The following SLX9 variants were observed in gnomAD, a reference collection of about 807,000 sequenced individuals.
The protein encoded by SLX9 is SLX9 ribosome biogenesis factor.
In SLX9, 19 loss-of-function variants were observed where a neutral mutation model predicts 20.8. The ratio of observed to expected loss-of-function variants is 0.91; its 90% CI spans 0.64 to 1.34. The LOEUF (loss-of-function observed/expected upper bound fraction) is 1.34, where lower values mean the gene tolerates loss of function less well. Ranked by LOEUF, SLX9 falls within the 40% of genes most tolerant of loss-of-function variation. The probability of loss-of-function intolerance (pLI) is 0.00; values close to 1 mark genes in which losing one functional copy is unlikely to be tolerated. For missense variants in SLX9, 299 were observed against 322.2 expected, an observed-to-expected ratio of 0.93 and a Z score of 0.55; for synonymous variants, 113 against 137.1, an observed-to-expected ratio of 0.82 and a Z score of 1.23.
In SLX9 at chr21:44,943,856, G is replaced by C; in HGVS notation, c.283+19G>C. On this transcript the variant is annotated intron_variant, in intron 2 of 5. Transcript: ENST00000291634. ...AGGAGAGGTGAGGCAGGCTCGACGG[G>C]TTACCATGCTGATACCCAGCAGGTC... 1 of 1,613,924 alleles carries C rather than the reference G, an allele frequency of 6.2e-7. No individual in the cohort carries two copies. Among genetic ancestry groups the C allele is most frequent in the Middle Eastern group, 1.6e-4 (1 of 6,062 alleles).
At chr21:44,962,454 T>C (rs2146656303) in intron 3 of SLX9, among the ~76,000 whole-genome samples, 1 of 152,330 alleles carries the variant, frequency 6.6e-6, no homozygotes, top group Non-Finnish European at 1.5e-5. Context: ...TCTGGCTGCT[T>C]TTGCTCAGCG....
intron 3 of SLX9, among the ~76,000 whole-genome samples, chr21:44,965,655 C>T (rs2085020602): frequency 6.6e-6 from 1 of 152,208 alleles, no homozygotes; most frequent in East Asian, 1.9e-4. Flanking sequence ...TGAGGCATTT[C>T]CCGGGAGAAC....
chr21:44,965,176 T>C (rs558815338), intron 3 of SLX9, among the ~76,000 whole-genome samples: 1 of 152,352 alleles, frequency 6.6e-6, no homozygotes, highest in East Asian at 1.9e-4. Flanking sequence ...AAAAATCCCG[T>C]TGAAATTTTA....
chr21:44,969,086 CCTA>C lies in SLX9; in HGVS notation c.500+1909_500+1911del, dbSNP rs569956321. Reference sequence around the variant, plus strand: ...CTGTTTAAAAAATAATTTTCTTTCTCCTACTAACTTTCCATCTGGGCAGAAAGC... The same window carrying C: ...CTGTTTAAAAAATAATTTTCTTTCTCCTAACTTTCCATCTGGGCAGAAAGC... On this transcript the variant is annotated intron_variant, in intron 4 of 5. Coordinates refer to ENST00000291634, the MANE Select transcript of SLX9 (RefSeq NM_058190.4). 521 of 446,756 alleles carry C rather than the reference CCTA, an allele frequency of 1.2e-3. 5 individuals are homozygous for C. Among genetic ancestry groups the C allele is most frequent in the South Asian group, 8.1e-3 (516 of 63,522 alleles). 27.7% of individuals were successfully genotyped at this position (446,756 alleles called of 1,614,324 possible).
At chr21:44,973,435 T>A (rs1224997382) in intron 5 of SLX9, among the ~76,000 whole-genome samples, 170 bp downstream of exon 5, 132 of 73,416 alleles carry the variant, frequency 1.8e-3, no homozygotes, top group African/African-American at 4.3e-3. Flanking sequence ...TCAGCTCCTA[T>A]GTGCCCTCAC....
At chr21:44,951,307 G>A (rs1440674962) in intron 2 of SLX9, among the ~76,000 whole-genome samples, 2 of 152,136 alleles carry the variant, frequency 1.3e-5, no homozygotes, top group South Asian at 2.1e-4. Flanking sequence ...CATCGCGCAG[G>A]GAGGTAGGAG....
At position 44,946,238 on chromosome 21, in the gene SLX9, T is replaced by C. The variant is rs114629202; in HGVS notation, c.283+2401T>C. ...TTCTATTGTTTGTGAGTCTGTTGGGTAATTAATTTTTTTCTTAATTCACAT... is the reference window on the plus strand; with the variant it reads ...TTCTATTGTTTGTGAGTCTGTTGGGCAATTAATTTTTTTCTTAATTCACAT... On this transcript the variant is annotated intron_variant, in intron 2 of 5. Transcript: ENST00000291634. Among the ~76,000 whole-genome samples the C allele has an allele frequency of 3.0e-3, 451 of 150,732 alleles. 4 individuals carry two copies. The highest frequency in any genetic ancestry group is 0.011 in the African/African-American group (441 of 40,018).
chr21:44,950,124 G>A (rs1392656121), intron 2 of SLX9, among the ~76,000 whole-genome samples: 4 of 150,460 alleles, frequency 2.7e-5, no homozygotes, highest in South Asian at 4.2e-4. Context: ...TAAGATAACT[G>A]GAAAATGGCA....
At chr21:44,972,606 CT>C (rs1487839819) in intron 4 of SLX9, among the ~76,000 whole-genome samples, 1 of 152,370 alleles carries the variant, frequency 6.6e-6, no homozygotes, top group African/African-American at 2.4e-5. Flanking sequence ...GTCCACGCCC[CT>C]GTCCCCAAGT....
intron 5 of SLX9, among the ~76,000 whole-genome samples, chr21:44,975,510 G>A (rs1443443271): frequency 6.6e-6 from 1 of 152,246 alleles, no homozygotes; most frequent in Non-Finnish European, 1.5e-5. Flanking sequence ...GTGCAGCTTC[G>A]CTTCCAAGCG....
At chr21:44,952,625 C>G (rs1464483976) in intron 2 of SLX9, among the ~76,000 whole-genome samples, 1 of 152,350 alleles carries the variant, frequency 6.6e-6, no homozygotes, top group Admixed American at 6.5e-5. Context: ...CCACGCCCAG[C>G]AGAGGTCTTT....
At chr21:44,954,653 G>C (rs1021327780) in intron 2 of SLX9, among the ~76,000 whole-genome samples, 2 of 152,156 alleles carry the variant, frequency 1.3e-5, no homozygotes, top group African/African-American at 4.8e-5. Context: ...GCGTCACCTT[G>C]GTGCTCTGCG....
At chr21:44,953,888 A>G (rs2084806879) in intron 2 of SLX9, among the ~76,000 whole-genome samples, 1 of 152,196 alleles carries the variant, frequency 6.6e-6, no homozygotes, top group South Asian at 2.1e-4. Context: ...TGAAGCCCTC[A>G]GTCCCAGTAG....
rs1201142238 is a variant in SLX9 at position 44,967,017 on chromosome 21, C to T, written c.353-17C>T. 6.9e-6 allele frequency: 11 copies of T among 1,601,732 alleles called. No individual in the cohort carries two copies. In the Admixed American group the frequency reaches 6.9e-5, roughly 10 times the overall value. ...TCTGCCTCTTGTTTGCCTCTAACGT[C>T]GTTTCTCCTTCCTTAGAAATCGAAG... On this transcript the variant is annotated splice_polypyrimidine_tract_variant and intron_variant, in intron 3 of 5. Coordinates refer to ENST00000291634, the MANE Select transcript of SLX9 (RefSeq NM_058190.4).
At chr21:44,948,026 TG>T (rs10710099) in intron 2 of SLX9, among the ~76,000 whole-genome samples, 2,832 of 152,348 alleles carry the variant, frequency 0.019, 87 homozygotes, top group African/African-American at 0.064. Flanking sequence ...CTGCTGTGCG[TG>T]CTGTGTGGCC....
intron 1 of SLX9, among the ~76,000 whole-genome samples, chr21:44,942,112 G>A (rs953453211): frequency 6.6e-6 from 1 of 152,202 alleles, no homozygotes; most frequent in African/African-American, 2.4e-5. Context: ...CCAAAAATAT[G>A]CATTAATGAG....
intron 3 of SLX9, among the ~76,000 whole-genome samples, chr21:44,966,229 G>T (rs1476855062): frequency 6.6e-6 from 1 of 152,184 alleles, no homozygotes; most frequent in Admixed American, 6.5e-5. Flanking sequence ...CAGACAGCGG[G>T]ATTGGAGAGG....
chr21:44,939,879 T>C (rs111376496), upstream of SLX9: 149 of 600,974 alleles, frequency 2.5e-4, no homozygotes, highest in African/African-American at 2.7e-3. Flanking sequence ...GGTGCGTCGG[T>C]GAAAGGCGGA....
chr21:44,976,656 G>T, intron 5 of SLX9, 24 bp from the exon 6 acceptor site: 2 of 1,574,244 alleles, frequency 1.3e-6, no homozygotes, highest in South Asian at 2.3e-5. Flanking sequence ...CCTGCCTGCT[G>T]ATCTGTGGTC....
Sources: allele counts gnomAD v4.1 joint callset (sites outside exome capture counted in the v4.1 genomes callset), GRCh38; gene constraint gnomAD v4.1.1; transcripts MANE v1.5; gene names NCBI Gene and HGNC (gene_info 2026-07-23, HGNC 2026-07-21).